DYNC1LI2: variants seen among roughly 807,000 people sequenced by gnomAD.
DYNC1LI2 encodes the protein dynein cytoplasmic 1 light intermediate chain 2.
Under a neutral mutation model 57.8 loss-of-function variants are expected in DYNC1LI2, and 19 were observed. That is an observed-to-expected ratio of 0.33 (90% confidence interval 0.23 to 0.48). The LOEUF (loss-of-function observed/expected upper bound fraction) is 0.48, where lower values mean the gene tolerates loss of function less well. Among genes scored for constraint, DYNC1LI2 ranks in the 20% least tolerant of loss-of-function variants. The pLI is 0.99. For synonymous variants in DYNC1LI2, 256 were observed against 233.4 expected (o/e 1.10, Z -0.88); for missense variants, 470 against 604.2 (o/e 0.78, Z 2.33).
At position 66,751,406 on chromosome 16, in the gene DYNC1LI2, G is replaced by A. The variant is rs761045825; in HGVS notation, c.108-60C>T. The A allele has an allele frequency of 5.0e-6, 8 of 1,594,834 alleles. No homozygotes were observed. The highest frequency in any genetic ancestry group is 1.7e-5 in the Admixed American group (1 of 58,220). On this transcript the variant is annotated intron_variant, in intron 1 of 12. Transcript: ENST00000258198. This position sits in a 1 kb window ranked among gnomAD's most constrained non-coding sequence, Gnocchi z 5.2. Reference sequence around the variant, plus strand: ...GCCGGGCTGGGATGGCCCGGCTCGCGTCGGCCCCTCAGTGTGTCCGACGGT... The same window carrying A: ...GCCGGGCTGGGATGGCCCGGCTCGCATCGGCCCCTCAGTGTGTCCGACGGT...
At chr16:66,740,129 C>T (rs149264946) in intron 4 of DYNC1LI2, among the ~76,000 whole-genome samples, 26 of 152,302 alleles carry the variant, frequency 1.7e-4, no homozygotes, top group African/African-American at 6.0e-4. Flanking sequence ...CAAAAAAGCG[C>T]CACCTTCTGG....
chr16:66,722,091 T>A lies in DYNC1LI2; in HGVS notation c.*1631A>T, dbSNP rs1351018005. On this transcript the variant is annotated 3_prime_UTR_variant, in exon 13 of 13. Coordinates refer to ENST00000258198, the MANE Select transcript of DYNC1LI2 (RefSeq NM_006141.3). ...ATAAAACTGGCACAAGAAACATTTCTATCAGAAAGGCAAGTTGATACTCAG... is the reference window on the plus strand; with the variant it reads ...ATAAAACTGGCACAAGAAACATTTCAATCAGAAAGGCAAGTTGATACTCAG... The A allele has an allele frequency of 2.6e-5, 4 of 152,678 alleles. No homozygotes were observed. The highest frequency in any genetic ancestry group is 5.9e-5 in the Non-Finnish European group (4 of 68,048). 9.5% of individuals were successfully genotyped at this position (152,678 alleles called of 1,614,324 possible).
At chr16:66,744,587 T>A (rs1378832500) in intron 3 of DYNC1LI2, among the ~76,000 whole-genome samples, 1 of 152,096 alleles carries the variant, frequency 6.6e-6, no homozygotes, top group African/African-American at 2.4e-5. Context: ...CAGGCTGGAG[T>A]GTAGTGGCAC....
intron 6 of DYNC1LI2, chr16:66,732,793 T>C: frequency 5.1e-6 from 1 of 195,854 alleles, no homozygotes; most frequent in Non-Finnish European, 1.0e-5. Flanking sequence ...TCCCACAGAT[T>C]ACTTCCTGAG....
chr16:66,726,799 G>T lies in DYNC1LI2; in HGVS notation c.1262-855C>A, dbSNP rs193122394. The stretch of plus-strand genomic sequence containing the variant: ...TGGGATTACAGGTGCCCACCATCAC[G>T]CCTGGCTAATTTTTGTACAGAGAAG... On this transcript the variant is annotated intron_variant, in intron 11 of 12. Transcript: ENST00000258198. Among the ~76,000 whole-genome samples the T allele has an allele frequency of 4.2e-4, 64 of 152,106 alleles. 2 individuals are homozygous for T. The highest frequency in any genetic ancestry group is 8.8e-5 in the Non-Finnish European group (6 of 68,002).
chr16:66,736,318 A>G (rs2017733760), intron 4 of DYNC1LI2, 74 bp from the exon 5 acceptor site: 17 of 1,541,234 alleles, frequency 1.1e-5, no homozygotes, highest in Non-Finnish European at 1.3e-5. Context: ...CACTGAAAAG[A>G]AGGCAATAAT....
Position 66,751,215 on chromosome 16 carries a change from G to T in DYNC1LI2, c.181+58C>A. The T allele has an allele frequency of 6.4e-7, 1 of 1,569,562 alleles. No homozygotes were observed. The highest frequency in any genetic ancestry group is 1.1e-5 in the South Asian group (1 of 87,188). Reference sequence around the variant, plus strand: ...CGGGGAAGGCGGGGACCTGAGGGAGGGGCGCCCGCCTCGCCCACCCCAGCG... The same window carrying T: ...CGGGGAAGGCGGGGACCTGAGGGAGTGGCGCCCGCCTCGCCCACCCCAGCG... On this transcript the variant is annotated intron_variant, in intron 2 of 12. Transcript: ENST00000258198. This position sits in a 1 kb window ranked among gnomAD's most constrained non-coding sequence, Gnocchi z 5.2.
At chr16:66,749,415 A>G in intron 2 of DYNC1LI2, 102 bp from the exon 3 acceptor site, 2 of 1,179,654 alleles carry the variant, frequency 1.7e-6, no homozygotes, top group African/African-American at 1.5e-5. Context: ...ATTTCATGCA[A>G]AGTCTGCTGT....
chr16:66,749,377 A>G, intron 2 of DYNC1LI2, 64 bp from the exon 3 acceptor site: 1 of 1,457,416 alleles, frequency 6.9e-7, no homozygotes, highest in Non-Finnish European at 9.6e-7. Flanking sequence ...GGGAGGCATG[A>G]CACTCACATG....
At chr16:66,750,818 C>G (rs1421345510) in intron 2 of DYNC1LI2, among the ~76,000 whole-genome samples, 6 of 152,112 alleles carry the variant, frequency 3.9e-5, no homozygotes, top group African/African-American at 1.4e-4. Flanking sequence ...AGGAAACGTC[C>G]CCAGTGCTGA....
Position 66,725,964 on chromosome 16 carries a change from A to G in DYNC1LI2, c.1262-20T>C, listed in dbSNP as rs757233087. 24 of 1,604,658 alleles carry G rather than the reference A, an allele frequency of 1.5e-5. No homozygotes were observed. In the South Asian group the frequency reaches 2.6e-4, roughly 17 times the overall value. ...CATTATCTAAGGAAAATTAAAGAGAAAAAAAAGCATCATATAAACTGGAAG... is the reference window on the plus strand; with the variant it reads ...CATTATCTAAGGAAAATTAAAGAGAGAAAAAAGCATCATATAAACTGGAAG... On this transcript the variant is annotated intron_variant, in intron 11 of 12. Coordinates refer to ENST00000258198, the MANE Select transcript of DYNC1LI2 (RefSeq NM_006141.3).
chr16:66,747,355 C>A (rs181394700), intron 3 of DYNC1LI2, among the ~76,000 whole-genome samples: 1 of 152,220 alleles, frequency 6.6e-6, no homozygotes, highest in East Asian at 1.9e-4. Flanking sequence ...GGATTACAGG[C>A]GTGAGCCACC....
intron 4 of DYNC1LI2, among the ~76,000 whole-genome samples, chr16:66,740,127 C>T (rs567813045): frequency 1.5e-4 from 23 of 152,282 alleles, no homozygotes; most frequent in African/African-American, 5.1e-4. Flanking sequence ...TACAAAAAAG[C>T]GCCACCTTCT....
chr16:66,727,605 A>T, intron 11 of DYNC1LI2, 83 bp downstream of exon 11: 1 of 1,356,788 alleles, frequency 7.4e-7, no homozygotes, highest in South Asian at 1.3e-5. Flanking sequence ...TCCACCTTAT[A>T]GACTCAGCCA....
chr16:66,738,588 A>G (rs945832665), intron 4 of DYNC1LI2, among the ~76,000 whole-genome samples: 4 of 151,642 alleles, frequency 2.6e-5, no homozygotes, highest in African/African-American at 4.8e-5. Context: ...ATATACCTTC[A>G]CTGTCAGGCT....
chr16:66,746,806 G>A (rs2017943335), intron 3 of DYNC1LI2, among the ~76,000 whole-genome samples: 1 of 152,184 alleles, frequency 6.6e-6, no homozygotes, highest in African/African-American at 2.4e-5. Context: ...TTCTACAAAT[G>A]AGGAAACTCA....
chr16:66,728,251 A>G lies in DYNC1LI2; in HGVS notation c.1102-9T>C, dbSNP rs1338584790. On this transcript the variant is annotated splice_polypyrimidine_tract_variant and intron_variant, in intron 9 of 12. Coordinates refer to ENST00000258198, the MANE Select transcript of DYNC1LI2 (RefSeq NM_006141.3). ...TGCTTGGCAAGGAGTGACTGCAAAG[A>G]GAGGGACAAACTGGCTATTAACCAA... is the stretch of plus-strand genomic sequence containing the variant. 6.2e-7 allele frequency: 1 copy of G among 1,614,102 alleles called. No individual in the cohort carries two copies. Among genetic ancestry groups the G allele is most frequent in the Non-Finnish European group, 8.5e-7 (1 of 1,179,992 alleles).
In DYNC1LI2 at chr16:66,744,212, C is replaced by T. The variant is rs566754573; in HGVS notation, c.299-1544G>A. 2.8e-4 allele frequency among the ~76,000 whole-genome samples: 43 copies of T among 151,784 alleles called. 1 individual carries two copies. Among genetic ancestry groups the T allele is most frequent in the African/African-American group, 9.2e-4 (38 of 41,404 alleles). On this transcript the variant is annotated intron_variant, in intron 3 of 12. Coordinates refer to ENST00000258198, the MANE Select transcript of DYNC1LI2 (RefSeq NM_006141.3). ...GACTACAGGCACAAGCCACCATGCC[C>T]AGCTAATTTTTTAGTTTTTTGTAGA...
chr16:66,735,236 G>C (rs1334215108), intron 5 of DYNC1LI2, among the ~76,000 whole-genome samples: 1 of 151,150 alleles, frequency 6.6e-6, no homozygotes, highest in African/African-American at 2.4e-5. Flanking sequence ...CGAGTAGCTG[G>C]GATGACAGGC....
Sources: gnomAD v4.1 joint callset for allele counts (sites outside exome capture counted in the v4.1 genomes callset) on GRCh38, gnomAD v4.1.1 for gene constraint, Gnocchi (gnomAD v3.1) non-coding constraint, MANE v1.5 for transcripts, NCBI Gene and HGNC (gene_info 2026-07-23, HGNC 2026-07-21) for gene names.